CASD1: variants seen among roughly 807,000 people sequenced by gnomAD.
The protein encoded by CASD1 is N-acetylneuraminate (7)9-O-acetyltransferase.
Under a neutral mutation model 100.0 loss-of-function variants are expected in CASD1, and 41 were observed. That is an observed-to-expected ratio of 0.41 (90% CI 0.32 to 0.53). The LOEUF (loss-of-function observed/expected upper bound fraction) is 0.53, where lower values mean the gene tolerates loss of function less well. Ranked by LOEUF, CASD1 falls within the 20% of genes least tolerant of loss-of-function variation. The probability of loss-of-function intolerance (pLI) is 0.25; values close to 1 mark genes in which losing one functional copy is unlikely to be tolerated. For missense variants in CASD1, 774 were observed against 948.7 expected (o/e 0.82, Z 2.42); for synonymous variants, 321 against 315.6 (o/e 1.02, Z -0.18).
intron 9 of CASD1, 47 bp from the exon 10 acceptor site, chr7:94,538,920 A>G: frequency 9.7e-7 from 1 of 1,032,350 alleles, no homozygotes; most frequent in Non-Finnish European, 1.5e-6. Flanking sequence ...CCGTTAAATA[A>G]TTTCTTCATG....
the CASD1 span, among the ~76,000 whole-genome samples, chr7:94,631,376 C>T: frequency 6.6e-6 from 1 of 151,716 alleles, no homozygotes; most frequent in Non-Finnish European, 1.5e-5. Flanking sequence ...ATGAAAGAGA[C>T]CCTGCCACTG....
At chr7:94,602,131 G>C in the CASD1 span, among the ~76,000 whole-genome samples, 1 of 152,078 alleles carries the variant, frequency 6.6e-6, no homozygotes, top group Non-Finnish European at 1.5e-5. Context: ...CATTGTTAGG[G>C]TCTGTTGGCC....
At chr7:94,539,850 C>A (rs1403769379) in intron 10 of CASD1, among the ~76,000 whole-genome samples, 1 of 152,080 alleles carries the variant, frequency 6.6e-6, no homozygotes, top group Non-Finnish European at 1.5e-5. Flanking sequence ...AAACTTCCAA[C>A]TCTCTTGCCT....
the CASD1 span, among the ~76,000 whole-genome samples, chr7:94,614,123 A>C: frequency 3.3e-5 from 5 of 151,340 alleles, no homozygotes; most frequent in African/African-American, 4.8e-5. Context: ...AAAAAAAAAA[A>C]AAAAAAACAC....
the CASD1 span, chr7:94,626,763 T>C: frequency 2.0e-5 from 3 of 152,002 alleles, no homozygotes; most frequent in Non-Finnish European, 4.4e-5. Flanking sequence ...CTTGTTTTGT[T>C]CCTGAATTTA....
At chr7:94,542,277 C>T (rs1795442040) in intron 10 of CASD1, among the ~76,000 whole-genome samples, 1 of 152,162 alleles carries the variant, frequency 6.6e-6, no homozygotes, top group African/African-American at 2.4e-5. Flanking sequence ...TAGAGCTAGA[C>T]TCTCTGCTGT....
At chr7:94,609,609 A>G in the CASD1 span, among the ~76,000 whole-genome samples, 1 of 152,244 alleles carries the variant, frequency 6.6e-6, no homozygotes, top group African/African-American at 2.4e-5. Context: ...AAATATGCAC[A>G]TGAAAAGATG....
the CASD1 span, among the ~76,000 whole-genome samples, chr7:94,567,199 G>C: frequency 3.3e-5 from 5 of 150,782 alleles, no homozygotes; most frequent in African/African-American, 1.2e-4. Flanking sequence ...ATTTTGCTTC[G>C]TGATTGTCAG....
At chr7:94,525,879 A>G (rs901227885) in intron 3 of CASD1, among the ~76,000 whole-genome samples, 1 of 152,234 alleles carries the variant, frequency 6.6e-6, no homozygotes, top group Admixed American at 6.5e-5. Flanking sequence ...TGAATTAATG[A>G]AAACATTTCA....
intron 1 of CASD1, among the ~76,000 whole-genome samples, chr7:94,513,299 A>C (rs1475077581): frequency 2.0e-5 from 3 of 151,974 alleles, no homozygotes. Flanking sequence ...AAAAAAAAAA[A>C]AAAAAAAATC....
At chr7:94,552,071 T>C (rs1401280994) in intron 15 of CASD1, 1 of 319,896 alleles carries the variant, frequency 3.1e-6, no homozygotes, top group Non-Finnish European at 5.6e-6. Flanking sequence ...TAAAATGTAA[T>C]GTAAGGTGTT....
intron 3 of CASD1, among the ~76,000 whole-genome samples, chr7:94,524,480 G>A (rs1329396881): frequency 6.6e-6 from 1 of 152,062 alleles, no homozygotes; most frequent in Non-Finnish European, 1.5e-5. Context: ...ACAATGGCAA[G>A]AAATATGAAA....
chr7:94,554,478 T>C lies in CASD1; in HGVS notation c.2035-5T>C, dbSNP rs1280943146. On this transcript the variant is annotated splice_polypyrimidine_tract_variant and splice_region_variant and intron_variant, in intron 16 of 17. Transcript: ENST00000297273. ...TTAATATTTGCTTTTGTGCTTTTTCTTTAGATTTTAGCCTTCATCCTAATA... is the reference window on the plus strand; with the variant it reads ...TTAATATTTGCTTTTGTGCTTTTTCCTTAGATTTTAGCCTTCATCCTAATA... The C allele has an allele frequency of 6.3e-7, 1 of 1,581,582 alleles. No individual in the cohort carries two copies. Among genetic ancestry groups the C allele is most frequent in the South Asian group, 1.1e-5 (1 of 88,372 alleles).
rs963493701 is a variant in CASD1, at chr7:94,556,391, A to G, written c.*633A>G. 9 of 152,038 alleles carry G rather than the reference A, an allele frequency of 5.9e-5. No homozygotes were observed. The highest frequency in any genetic ancestry group is 2.2e-4 in the African/African-American group (9 of 41,434). The allele number at this position is 152,038 out of a possible 1,614,324, so 9.4% of individuals were successfully genotyped here. ...ATCTTTGTACACTTTGTCTCACAGAATAGTTCTGAGGCTCCATGACAGGGT... is the reference window on the plus strand; with the variant it reads ...ATCTTTGTACACTTTGTCTCACAGAGTAGTTCTGAGGCTCCATGACAGGGT... On this transcript the variant is annotated 3_prime_UTR_variant, in exon 18 of 18. Coordinates refer to ENST00000297273, the MANE Select transcript of CASD1 (RefSeq NM_022900.5).
At chr7:94,579,192 C>A in the CASD1 span, among the ~76,000 whole-genome samples, 1 of 147,616 alleles carries the variant, frequency 6.8e-6, no homozygotes, top group South Asian at 2.2e-4. Context: ...GGCCCTGATA[C>A]TCAATCCAAT....
At chr7:94,589,100 C>G in the CASD1 span, 4 of 282,542 alleles carry the variant, frequency 1.4e-5, no homozygotes, top group Non-Finnish European at 2.8e-5. Flanking sequence ...GGCTTGTGCT[C>G]TTAACCTATA....
chr7:94,603,714 A>C, the CASD1 span, among the ~76,000 whole-genome samples: 1 of 152,074 alleles, frequency 6.6e-6, no homozygotes, highest in African/African-American at 2.4e-5. Flanking sequence ...ACTTTATTTC[A>C]TCCCATTTAT....
At chr7:94,564,914 T>C in the CASD1 span, among the ~76,000 whole-genome samples, 1 of 152,206 alleles carries the variant, frequency 6.6e-6, no homozygotes, top group African/African-American at 2.4e-5. Flanking sequence ...ATTGGCTAAC[T>C]CTTTAGGTAA....
intron 10 of CASD1, 56 bp downstream of exon 10, chr7:94,539,112 T>C (rs1795258897): frequency 9.8e-7 from 1 of 1,018,566 alleles, no homozygotes; most frequent in Non-Finnish European, 1.5e-6. Context: ...ATTTTAATGT[T>C]TCTTTAAGGG....
Sources: gnomAD v4.1 joint callset for allele counts (sites outside exome capture counted in the v4.1 genomes callset) on GRCh38, gnomAD v4.1.1 for gene constraint, MANE v1.5 for transcripts, NCBI Gene and HGNC (gene_info 2026-07-23, HGNC 2026-07-21) for gene names.